RP1: variants seen among roughly 807,000 people sequenced by gnomAD.
The protein encoded by RP1 is oxygen-regulated protein 1.
In RP1, 16 loss-of-function variants were observed where a neutral mutation model predicts 14.8. The ratio of observed to expected loss-of-function variants is 1.08; its 90% CI spans 0.73 to 1.65. The LOEUF is 1.65. Among genes scored for constraint, RP1 ranks in the 40% most tolerant of loss-of-function variants. The probability of loss-of-function intolerance (pLI) is 0.00; values close to 1 mark genes in which losing one functional copy is unlikely to be tolerated. For missense variants in RP1, 2,631 were observed against 2,535.0 expected, an observed-to-expected ratio of 1.04 and a Z score of -0.81; for synonymous variants, 876 against 883.6, an observed-to-expected ratio of 0.99 and a Z score of 0.15.
intron 1 of RP1, among the ~76,000 whole-genome samples, chr8:54,595,496 A>G (rs915513233): frequency 6.6e-6 from 1 of 152,144 alleles, no homozygotes; most frequent in Admixed American, 6.6e-5. Flanking sequence ...TCCCTGTGTC[A>G]TCTCCTCTTA....
intron 15 of RP1, among the ~76,000 whole-genome samples, chr8:54,709,430 T>TGCTGA (rs531756987): frequency 1.3e-5 from 2 of 152,274 alleles, no homozygotes; most frequent in South Asian, 2.1e-4. Context: ...AAGGCAATCA[T>TGCTGA]GCTGAGCTGA....
chr8:54,838,373 G>A (rs546594498), intron 25 of RP1, among the ~76,000 whole-genome samples: 9 of 152,172 alleles, frequency 5.9e-5, no homozygotes, highest in Non-Finnish European at 1.2e-4. Context: ...CACCACTGGA[G>A]AGAAAACCTT....
intron 24 of RP1, among the ~76,000 whole-genome samples, chr8:54,830,083 C>T (rs1419169826): frequency 1.3e-5 from 2 of 152,006 alleles, no homozygotes; most frequent in Admixed American, 1.3e-4. Context: ...TTCTATATTC[C>T]TACTTATTTT....
intron 24 of RP1, among the ~76,000 whole-genome samples, chr8:54,824,711 T>C (rs1332105440): frequency 2.0e-5 from 3 of 152,192 alleles, no homozygotes; most frequent in Non-Finnish European, 4.4e-5. Flanking sequence ...AAGAATTATA[T>C]ACCGTGACCA....
chr8:54,681,764 G>T (rs551597242), intron 12 of RP1, among the ~76,000 whole-genome samples: 2 of 152,112 alleles, frequency 1.3e-5, no homozygotes, highest in South Asian at 4.2e-4. Context: ...TCATCATTCA[G>T]CTCCCACTTA....
chr8:54,626,596 A>G lies in RP1; in HGVS notation c.2714A>G (p.Glu905Gly). Residue 905 changes from glutamate to glycine, a missense_variant, in exon 4 of 4, where the codon GAG becomes GGG. Coordinates refer to ENST00000220676, the MANE Select transcript of RP1 (RefSeq NM_006269.2). ...TCTTTGAAAAAACCTGATTTTCCTG[A>G]GGCTATTGCTCATCATTCAATTCAA... The part of the protein sequence containing the change: ...LASLKKPDFP[E>G]AIAHHSIQNY... 6.2e-7 allele frequency: 1 copy of G among 1,613,286 alleles called. No homozygotes were observed. Among genetic ancestry groups the G allele is most frequent in the Non-Finnish European group, 8.5e-7 (1 of 1,179,818 alleles).
downstream of RP1, among the ~76,000 whole-genome samples, chr8:54,770,532 T>C (rs1809876009): frequency 6.6e-6 from 1 of 150,530 alleles, no homozygotes; most frequent in Non-Finnish European, 1.5e-5. Context: ...GTGTGGTTAC[T>C]TTTTGTGACA....
At chr8:54,621,648 G>T (rs1265126877) in intron 2 of RP1, 67 bp downstream of exon 2, 1 of 1,607,462 alleles carries the variant, frequency 6.2e-7, no homozygotes, top group Admixed American at 1.7e-5. Context: ...GATTCGTGTG[G>T]GATATGAATG....
rs770815082 is a variant in RP1, at chr8:54,628,082, C to G, written c.4200C>G (p.Gly1400=). The G allele has an allele frequency of 6.2e-7, 1 of 1,613,996 alleles. No homozygotes were observed. Among genetic ancestry groups the G allele is most frequent in the Non-Finnish European group, 8.5e-7 (1 of 1,179,926 alleles). ...ATGTCAGTAATTTAAGCTCCTGTGGCCTTTGCCTAAGTGAAAAAGAAGCAG... is the reference window on the plus strand; with the variant it reads ...ATGTCAGTAATTTAAGCTCCTGTGGGCTTTGCCTAAGTGAAAAAGAAGCAG... The part of the protein sequence containing the change: ...HQNVSNLSSC[G]LCLSEKEAEL... Residue 1400 remains glycine, a synonymous_variant, in exon 4 of 4, where the codon GGC becomes GGG. Coordinates refer to ENST00000220676, the MANE Select transcript of RP1 (RefSeq NM_006269.2).
intron 1 of RP1, among the ~76,000 whole-genome samples, chr8:54,608,034 G>A (rs926546040): frequency 6.6e-6 from 1 of 151,966 alleles, no homozygotes; most frequent in African/African-American, 2.4e-5. Flanking sequence ...CATGCTTGAT[G>A]TGCTCCACCC....
intron 18 of RP1, among the ~76,000 whole-genome samples, chr8:54,737,662 A>C (rs1423659458): frequency 1.3e-5 from 2 of 152,022 alleles, no homozygotes; most frequent in African/African-American, 4.8e-5. Flanking sequence ...GAACAGCATA[A>C]TTTCTCTTGA....
chr8:54,773,764 T>C (rs754489157), downstream of RP1, among the ~76,000 whole-genome samples: 2 of 152,230 alleles, frequency 1.3e-5, no homozygotes, highest in Non-Finnish European at 2.9e-5. Flanking sequence ...TTAACCATTA[T>C]ACAAAACTGT....
chr8:54,712,005 A>C (rs1195724700), intron 15 of RP1, among the ~76,000 whole-genome samples: 1 of 152,142 alleles, frequency 6.6e-6, no homozygotes, highest in Non-Finnish European at 1.5e-5. Context: ...AACTGTGGGG[A>C]ACTTAGTAAG....
intron 24 of RP1, among the ~76,000 whole-genome samples, chr8:54,805,848 G>A (rs1191740420): frequency 6.6e-6 from 1 of 151,998 alleles, no homozygotes; most frequent in Non-Finnish European, 1.5e-5. Context: ...GCTCCTTATG[G>A]CTAGTGATCA....
At chr8:54,668,703 G>A (rs1418341680) in intron 7 of RP1, among the ~76,000 whole-genome samples, 2 of 152,098 alleles carry the variant, frequency 1.3e-5, no homozygotes, top group Non-Finnish European at 2.9e-5. Flanking sequence ...ACAGAGCAGA[G>A]GCCTCAGAAA....
intron 1 of RP1, among the ~76,000 whole-genome samples, chr8:54,593,937 G>A (rs1489301779): frequency 2.0e-5 from 3 of 152,256 alleles, no homozygotes; most frequent in African/African-American, 4.8e-5. Context: ...TGCAGAGGAA[G>A]GTGAAAGTCA....
intron 1 of RP1, among the ~76,000 whole-genome samples, chr8:54,577,923 A>T (rs62514567): frequency 1.3e-5 from 2 of 151,776 alleles, no homozygotes; most frequent in Non-Finnish European, 2.9e-5. Context: ...AGAGAGGAGG[A>T]GATGAAAGCA....
At chr8:54,754,088 C>T (rs558863062) in intron 19 of RP1, among the ~76,000 whole-genome samples, 1 of 152,132 alleles carries the variant, frequency 6.6e-6, no homozygotes, top group South Asian at 2.1e-4. Context: ...AGGGAAGGGG[C>T]CTTTGTGTGG....
intron 6 of RP1, among the ~76,000 whole-genome samples, chr8:54,660,556 G>A (rs1806864552): frequency 2.0e-5 from 3 of 152,116 alleles, no homozygotes; most frequent in African/African-American, 7.2e-5. Context: ...GCTGGGGGTA[G>A]GAGGGGGAGC....
Sources: gnomAD v4.1 joint callset for allele counts (sites outside exome capture counted in the v4.1 genomes callset) on GRCh38, gnomAD v4.1.1 for gene constraint, MANE v1.5 for transcripts, NCBI Gene and HGNC (gene_info 2026-07-23, HGNC 2026-07-21) for gene names.